Variants in FNIP2 observed in about 807,000 individuals in gnomAD.
FNIP2 encodes folliculin-interacting protein 2.
In FNIP2, 32 loss-of-function variants were observed where a neutral mutation model predicts 108.7. The observed-to-expected ratio is 0.29, with a 90% CI of 0.22 to 0.40. The LOEUF (loss-of-function observed/expected upper bound fraction) is 0.40, where lower values mean the gene tolerates loss of function less well. Ranked by LOEUF, FNIP2 falls within the 10% of genes least tolerant of loss-of-function variation. The pLI, the probability that FNIP2 is intolerant of heterozygous loss-of-function variation, is 1.00. For synonymous variants in FNIP2, 480 were observed against 496.7 expected (o/e 0.97, Z 0.45); for missense variants, 1,202 against 1,381.6 (o/e 0.87, Z 2.06).
At chr4:158,882,073 C>T (rs1032954953) in intron 14 of FNIP2, among the ~76,000 whole-genome samples, 5 of 152,008 alleles carry the variant, frequency 3.3e-5, no homozygotes, top group East Asian at 1.9e-4. Flanking sequence ...TCTGCCCCAC[C>T]GCAACCCTGT....
intron 14 of FNIP2, among the ~76,000 whole-genome samples, chr4:158,885,527 A>G (rs1781980963): frequency 6.6e-6 from 1 of 152,208 alleles, no homozygotes. Flanking sequence ...TGTTGTCCAC[A>G]GTTGCACTAT....
chr4:158,829,046 A>C, intron 2 of FNIP2, 33 bp from the exon 3 acceptor site: 4 of 1,536,378 alleles, frequency 2.6e-6, no homozygotes, highest in Non-Finnish European at 3.5e-6. Context: ...TATACTTAGT[A>C]ATCTTTTACC....
chr4:158,870,224 C>T, intron 13 of FNIP2, 89 bp from the exon 14 acceptor site: 1 of 1,363,914 alleles, frequency 7.3e-7, no homozygotes, highest in Non-Finnish European at 1.0e-6. Context: ...TTTTATTTAC[C>T]TGTATCATTG....
intron 1 of FNIP2, among the ~76,000 whole-genome samples, chr4:158,774,095 C>T (rs1775782942): frequency 6.6e-6 from 1 of 152,064 alleles, no homozygotes; most frequent in Non-Finnish European, 1.5e-5. Context: ...GCAATCTATG[C>T]ATGTAACAAA....
At position 158,868,047 on chromosome 4, in the gene FNIP2, C is replaced by A; in HGVS notation, c.1466-55C>A. 6.3e-7 allele frequency: 1 copy of A among 1,588,612 alleles called. No homozygotes were observed. The highest frequency in any genetic ancestry group is 1.1e-5 in the South Asian group (1 of 86,970). On this transcript the variant is annotated intron_variant, in intron 12 of 16. Coordinates refer to ENST00000264433, the MANE Select transcript of FNIP2 (RefSeq NM_020840.3). The surrounding 1 kb of genome is among the most constrained non-coding windows in gnomAD (Gnocchi z 4.6). ...TTTGCTCTTGTAAAGACGGATATAT[C>A]TGTGACATGCTAACCCCAGAGACCA...
At chr4:158,872,872 C>A (rs936040040) in intron 14 of FNIP2, 3 of 611,286 alleles carry the variant, frequency 4.9e-6, no homozygotes, top group East Asian at 1.4e-4. Context: ...TATTTAAATT[C>A]TTGAATATGT....
intron 1 of FNIP2, among the ~76,000 whole-genome samples, chr4:158,823,213 T>G (rs971490410): frequency 1.3e-5 from 2 of 152,172 alleles, no homozygotes; most frequent in Admixed American, 6.5e-5. Flanking sequence ...AATCAACATA[T>G]GTACTATGTT....
At chr4:158,862,157 C>T (rs569693593) in intron 12 of FNIP2, among the ~76,000 whole-genome samples, 1 of 152,260 alleles carries the variant, frequency 6.6e-6, no homozygotes, top group African/African-American at 2.4e-5. Context: ...CATCCTTGGC[C>T]TCCATTTACT....
intron 1 of FNIP2, among the ~76,000 whole-genome samples, chr4:158,799,972 G>A (rs985143315): frequency 6.6e-6 from 1 of 152,260 alleles, no homozygotes; most frequent in South Asian, 2.1e-4. Context: ...GAGACAAATA[G>A]ATACGCAGTG....
chr4:158,772,853 G>C (rs545784406), intron 1 of FNIP2, among the ~76,000 whole-genome samples: 2 of 152,166 alleles, frequency 1.3e-5, no homozygotes, highest in Non-Finnish European at 2.9e-5. Context: ...GATGAATAAA[G>C]AGCAGACAAC....
At chr4:158,876,281 G>A (rs1475975317) in intron 14 of FNIP2, among the ~76,000 whole-genome samples, 1 of 152,154 alleles carries the variant, frequency 6.6e-6, no homozygotes, top group Non-Finnish European at 1.5e-5. Flanking sequence ...GCTGCAAGAG[G>A]ACTTTCTAAA....
intron 1 of FNIP2, among the ~76,000 whole-genome samples, chr4:158,773,474 A>G (rs533661517): frequency 1.8e-4 from 27 of 152,352 alleles, no homozygotes; most frequent in East Asian, 5.8e-4. Flanking sequence ...CAGCTTTGTC[A>G]TTTGTAAAGT....
chr4:158,871,557 A>G lies in FNIP2; in HGVS notation c.2949+1088A>G, dbSNP rs190377720. On this transcript the variant is annotated intron_variant, in intron 14 of 16. Coordinates refer to ENST00000264433, the MANE Select transcript of FNIP2 (RefSeq NM_020840.3). ...AAACTCAGTAGTGAAGCAGATGTCA[A>G]CATAACCTCCCTCAATGGGGAGGGC... The G allele has an allele frequency of 3.5e-5, 34 of 985,380 alleles. No individual in the cohort carries two copies. The Admixed American group carries it at 8.0e-4, about 23-fold the overall frequency. 61.0% of individuals were successfully genotyped at this position (985,380 alleles called of 1,614,324 possible).
intron 15 of FNIP2, among the ~76,000 whole-genome samples, chr4:158,892,378 G>T (rs1014621163): frequency 1.3e-4 from 19 of 152,000 alleles, no homozygotes; most frequent in Non-Finnish European, 2.8e-4. Context: ...CAAGCAATCC[G>T]CTTCTTTCCA....
intron 1 of FNIP2, among the ~76,000 whole-genome samples, chr4:158,825,460 G>T (rs1452806806): frequency 1.3e-5 from 2 of 152,140 alleles, no homozygotes; most frequent in Non-Finnish European, 2.9e-5. Context: ...CCTGAGTGTG[G>T]GTGAGGGAAA....
intron 7 of FNIP2, among the ~76,000 whole-genome samples, chr4:158,837,982 G>A (rs1476023025): frequency 2.6e-5 from 4 of 152,170 alleles, no homozygotes; most frequent in East Asian, 1.9e-4. Context: ...CAGAGTCCAC[G>A]TCAAGACTAG....
intron 1 of FNIP2, among the ~76,000 whole-genome samples, chr4:158,811,602 A>G (rs1777276547): frequency 6.6e-6 from 1 of 152,168 alleles, no homozygotes; most frequent in South Asian, 2.1e-4. Flanking sequence ...CCTGAGCCTC[A>G]ACTTCAGATC....
intron 14 of FNIP2, among the ~76,000 whole-genome samples, chr4:158,879,986 CTGTT>C (rs893199537): frequency 6.7e-6 from 1 of 150,290 alleles, no homozygotes; most frequent in Non-Finnish European, 1.5e-5. Context: ...CACTTTTACA[CTGTT>C]GGTGGGACTG....
At chr4:158,827,044 GT>G (rs1209478928) in intron 2 of FNIP2, among the ~76,000 whole-genome samples, 1 of 152,238 alleles carries the variant, frequency 6.6e-6, no homozygotes, top group African/African-American at 2.4e-5. Flanking sequence ...GTTAAACACA[GT>G]TTAGCTGGGT....
Sources: gnomAD v4.1 joint callset for allele counts (sites outside exome capture counted in the v4.1 genomes callset) on GRCh38, gnomAD v4.1.1 for gene constraint, Gnocchi (gnomAD v3.1) non-coding constraint, MANE v1.5 for transcripts, NCBI Gene and HGNC (gene_info 2026-07-23, HGNC 2026-07-21) for gene names.